TPTE: variants seen among roughly 807,000 people sequenced by gnomAD.
TPTE encodes putative tyrosine-protein phosphatase TPTE.
TPTE carries 59 observed loss-of-function variants against 84.1 expected under a neutral mutation model. The observed-to-expected ratio is 0.70, with a 90% CI of 0.57 to 0.87. The LOEUF is 0.87. Among genes scored for constraint, TPTE ranks in the 40% least tolerant of loss-of-function variants. TPTE has a pLI of 0.00. For missense variants in TPTE, 382 were observed against 659.6 expected (o/e 0.58, Z 4.61); for synonymous variants, 130 against 223.5 (o/e 0.58, Z 3.73).
In TPTE at chr21:10,605,580, A is replaced by G. The variant is rs770887970; in HGVS notation, c.*28A>G. The G allele has an allele frequency of 6.2e-7, 1 of 1,613,964 alleles. No individual in the cohort carries two copies. The highest frequency in any genetic ancestry group is 8.5e-7 in the Non-Finnish European group (1 of 1,179,862). On this transcript the variant is annotated 3_prime_UTR_variant, in exon 24 of 24. Transcript: ENST00000618007. Reference sequence around the variant, plus strand: ...ATAGCTCCCCCTTCCCCTTCTGGGAAAGAATTATGTTCTTTCCAACCCTGC... The same window carrying G: ...ATAGCTCCCCCTTCCCCTTCTGGGAGAGAATTATGTTCTTTCCAACCCTGC...
intron 19 of TPTE, among the ~76,000 whole-genome samples, chr21:10,593,883 C>G (rs1433253338): frequency 6.6e-6 from 1 of 152,310 alleles, no homozygotes; most frequent in Non-Finnish European, 1.5e-5. Context: ...TAACTACTGG[C>G]CCTAAGCCTT....
intron 3 of TPTE, among the ~76,000 whole-genome samples, chr21:10,528,976 GGAGT>G: frequency 6.6e-6 from 1 of 152,286 alleles, no homozygotes; most frequent in Admixed American, 6.5e-5. Context: ...CACGAGGTCA[GGAGT>G]TCAAGACCAG....
intron 3 of TPTE, among the ~76,000 whole-genome samples, chr21:10,527,793 G>A (rs569346292): frequency 6.6e-6 from 1 of 152,426 alleles, no homozygotes; most frequent in African/African-American, 2.4e-5. Context: ...CAAACTCAAA[G>A]CCATCATCAC....
intron 3 of TPTE, among the ~76,000 whole-genome samples, chr21:10,537,033 G>A (rs1198436317): frequency 6.6e-6 from 1 of 152,312 alleles, no homozygotes; most frequent in African/African-American, 2.4e-5. Context: ...TCATCACATT[G>A]TATGGGGCAG....
intron 1 of TPTE, among the ~76,000 whole-genome samples, chr21:10,523,040 T>A (rs2074011449): frequency 6.6e-6 from 1 of 152,304 alleles, no homozygotes; most frequent in Admixed American, 6.5e-5. Flanking sequence ...TAGAAAACAC[T>A]AAGCAAACAT....
intron 4 of TPTE, 57 bp from the exon 5 acceptor site, chr21:10,541,054 TG>T: frequency 6.2e-7 from 1 of 1,608,296 alleles, no homozygotes; most frequent in Non-Finnish European, 8.5e-7. Context: ...TGTAGCTATT[TG>T]TTGCAAAACA....
intron 7 of TPTE, among the ~76,000 whole-genome samples, chr21:10,544,665 T>A (rs1324183559): frequency 6.6e-6 from 1 of 152,306 alleles, no homozygotes; most frequent in African/African-American, 2.4e-5. Flanking sequence ...TTTACGGTCA[T>A]GAGCCATCAG....
In TPTE at chr21:10,570,561, T is replaced by C. The variant is rs1305032013; in HGVS notation, c.795+12T>C. The C allele has an allele frequency of 1.2e-6, 2 of 1,613,902 alleles. No individual in the cohort carries two copies. Among genetic ancestry groups the C allele is most frequent in the Non-Finnish European group, 1.7e-6 (2 of 1,179,882 alleles). On this transcript the variant is annotated intron_variant, in intron 14 of 23. Transcript: ENST00000618007. The stretch of plus-strand genomic sequence containing the variant: ...GAAATCCAATCAAGGTAAGGGTCTT[T>C]ATCTGACAAATACTCATTTCTTAGT...
chr21:10,534,764 G>A (rs1478532995), intron 3 of TPTE, among the ~76,000 whole-genome samples: 2 of 152,308 alleles, frequency 1.3e-5, no homozygotes, highest in Admixed American at 6.5e-5. Flanking sequence ...TTCAGCTTCT[G>A]TATGTAACAT....
intron 19 of TPTE, among the ~76,000 whole-genome samples, chr21:10,593,668 T>TA: frequency 6.6e-6 from 1 of 152,312 alleles, no homozygotes. Flanking sequence ...AATTGAGGTT[T>TA]AGAGAAAGTA....
intron 8 of TPTE, 74 bp downstream of exon 8, chr21:10,552,790 T>C (rs2145650564): frequency 6.2e-7 from 1 of 1,611,170 alleles, no homozygotes; most frequent in Non-Finnish European, 8.5e-7. Context: ...GGGCTTCCGC[T>C]GAGGCAAGAA....
intron 3 of TPTE, among the ~76,000 whole-genome samples, chr21:10,529,424 G>T (rs1244761830): frequency 6.6e-6 from 1 of 152,306 alleles, no homozygotes; most frequent in Non-Finnish European, 1.5e-5. Context: ...TTTGAAATGT[G>T]AGAGGGGTGA....
At chr21:10,536,278 A>G (rs1434268343) in intron 3 of TPTE, among the ~76,000 whole-genome samples, 3 of 152,288 alleles carry the variant, frequency 2.0e-5, no homozygotes, top group East Asian at 1.9e-4. Context: ...TCCGCCTAAA[A>G]AAAAGGATAC....
At chr21:10,587,420 C>T (rs1320400331) in intron 17 of TPTE, among the ~76,000 whole-genome samples, 1 of 152,310 alleles carries the variant, frequency 6.6e-6, no homozygotes, top group Non-Finnish European at 1.5e-5. Context: ...ACCTTGATGT[C>T]CATGAGCACC....
intron 19 of TPTE, 22 bp downstream of exon 19, chr21:10,592,395 G>A (rs2075497559): frequency 3.1e-6 from 5 of 1,609,966 alleles, no homozygotes; most frequent in East Asian, 2.2e-5. Context: ...TTTTAAAAAT[G>A]GGAGTTTTTT....
chr21:10,547,373 G>A (rs2074488277), intron 7 of TPTE, among the ~76,000 whole-genome samples: 1 of 152,302 alleles, frequency 6.6e-6, no homozygotes, highest in South Asian at 2.1e-4. Context: ...AGCCCCTTCT[G>A]CCCCATCTGG....
At chr21:10,588,308 C>A (rs1457345718) in intron 17 of TPTE, among the ~76,000 whole-genome samples, 1 of 152,426 alleles carries the variant, frequency 6.6e-6, no homozygotes, top group African/African-American at 2.4e-5. Flanking sequence ...ATTTGGTTTG[C>A]ATATGCTGAA....
chr21:10,523,789 T>G (rs1019577042), intron 1 of TPTE, among the ~76,000 whole-genome samples: 4 of 152,304 alleles, frequency 2.6e-5, no homozygotes, highest in African/African-American at 9.6e-5. Flanking sequence ...GCAGCATGAT[T>G]TATAGTCCTT....
intron 7 of TPTE, among the ~76,000 whole-genome samples, chr21:10,547,023 T>C (rs1054085240): frequency 6.6e-6 from 1 of 152,298 alleles, no homozygotes; most frequent in African/African-American, 2.4e-5. Flanking sequence ...CTAGGACTTT[T>C]ATATTTAGAG....
Sources: allele counts gnomAD v4.1 joint callset (sites outside exome capture counted in the v4.1 genomes callset), GRCh38; gene constraint gnomAD v4.1.1; transcripts MANE v1.5; gene names NCBI Gene and HGNC (gene_info 2026-07-23, HGNC 2026-07-21).